Variants in NECTIN1 observed in about 807,000 individuals in gnomAD.
NECTIN1 encodes the protein nectin cell adhesion molecule 1.
NECTIN1 carries 23 observed loss-of-function variants against 48.0 expected under a neutral mutation model. The observed-to-expected ratio is 0.48, with a 90% CI of 0.34 to 0.68. The LOEUF is 0.68. NECTIN1 is among the 30% of genes least tolerant of loss of function. The pLI, the probability that NECTIN1 is intolerant of heterozygous loss-of-function variation, is 0.01. For missense variants in NECTIN1, 591 were observed against 709.9 expected, an observed-to-expected ratio of 0.83 and a Z score of 1.90; for synonymous variants, 270 against 288.9, an observed-to-expected ratio of 0.93 and a Z score of 0.66.
At chr11:119,710,122 T>C (rs182570472) in intron 1 of NECTIN1, 2 of 152,118 alleles carry the variant, frequency 1.3e-5, no homozygotes, top group East Asian at 1.9e-4. Context: ...AATGTCAGCT[T>C]GGGGAGGGGC....
At chr11:119,700,647 C>T (rs896826143) in intron 1 of NECTIN1, among the ~76,000 whole-genome samples, 5 of 152,226 alleles carry the variant, frequency 3.3e-5, no homozygotes, top group African/African-American at 4.8e-5. Context: ...TGTAGCTCAG[C>T]GGAAATGAAA....
At chr11:119,703,421 C>T (rs1364894777) in intron 1 of NECTIN1, among the ~76,000 whole-genome samples, 1 of 152,200 alleles carries the variant, frequency 6.6e-6, no homozygotes, top group Non-Finnish European at 1.5e-5. Context: ...TCAGAAGTCA[C>T]AATACCACGC....
In NECTIN1 at chr11:119,669,320, G is replaced by A. The variant is rs1478978418; in HGVS notation, c.1004-4023C>T. ...CCAGCTACTTGGGAGGCTGAGGCAG[G>A]AGAATTGCTTGAGCTGGGAGGTGGA... On this transcript the variant is annotated intron_variant, in intron 5 of 5. Coordinates refer to ENST00000264025, the MANE Select transcript of NECTIN1 (RefSeq NM_002855.5). Among the ~76,000 whole-genome samples, 8 of 151,714 alleles carry A rather than the reference G, an allele frequency of 5.3e-5. No homozygotes were observed. The East Asian group carries it at 1.6e-3, about 30-fold the overall frequency.
chr11:119,685,361 G>T (rs1360221464), intron 1 of NECTIN1, among the ~76,000 whole-genome samples: 3 of 152,242 alleles, frequency 2.0e-5, no homozygotes, highest in Admixed American at 2.0e-4. Flanking sequence ...TGAGCACAGT[G>T]CGTGGGAGAG....
At position 119,670,919 on chromosome 11, in the gene NECTIN1, G is replaced by A. The variant is rs550042014; in HGVS notation, c.1003+4240C>T. ...CTCCCAAAGTGCTGGGATTACAGGTGTGAGCCACCACGCCTAGCCAACTTT... is the reference window on the plus strand; with the variant it reads ...CTCCCAAAGTGCTGGGATTACAGGTATGAGCCACCACGCCTAGCCAACTTT... On this transcript the variant is annotated intron_variant, in intron 5 of 5. Transcript: ENST00000264025. Among the ~76,000 whole-genome samples the A allele has an allele frequency of 3.2e-4, 48 of 152,120 alleles. 1 individual carries two copies. In the South Asian group the frequency reaches 9.5e-3, roughly 30 times the overall value.
At chr11:119,641,864 AG>A in intron 5 of NECTIN1, 1 of 150,824 alleles carries the variant, frequency 6.6e-6, no homozygotes, top group Admixed American at 6.6e-5. Flanking sequence ...CTGGGACTAC[AG>A]GGACCCGCCA....
intron 4 of NECTIN1, chr11:119,675,540 G>T (rs1176078165): frequency 1.9e-6 from 1 of 518,896 alleles, no homozygotes; most frequent in African/African-American, 1.9e-5. Flanking sequence ...GGCTAGGTAG[G>T]TGCCGGTCCC....
intron 1 of NECTIN1, among the ~76,000 whole-genome samples, chr11:119,680,187 G>A (rs893761011): frequency 6.6e-6 from 1 of 151,962 alleles, no homozygotes; most frequent in African/African-American, 2.4e-5. Context: ...TCCTTTTTTT[G>A]GGCTTCCTTA....
intron 1 of NECTIN1, among the ~76,000 whole-genome samples, chr11:119,726,586 C>G (rs1406536156): frequency 6.6e-6 from 1 of 152,218 alleles, no homozygotes; most frequent in Non-Finnish European, 1.5e-5. Context: ...GTTCACCTCC[C>G]TGCTCCCACT....
intron 1 of NECTIN1, among the ~76,000 whole-genome samples, chr11:119,722,243 C>T (rs1865843266): frequency 6.6e-6 from 1 of 152,228 alleles, no homozygotes; most frequent in South Asian, 2.1e-4. Flanking sequence ...TCCTGAGAGG[C>T]TCAGCTGAAA....
At position 119,664,701 on chromosome 11, in the gene NECTIN1, AG is replaced by A; in HGVS notation, c.*45del. The A allele has an allele frequency of 9.8e-7, 1 of 1,021,414 alleles. No individual in the cohort carries two copies. Among genetic ancestry groups the A allele is most frequent in the Non-Finnish European group, 1.4e-6 (1 of 724,902 alleles). 63.3% of individuals were successfully genotyped at this position (1,021,414 alleles called of 1,614,324 possible). ...GGGGGTGGGCAGGGGGCGTGCGGGG[AG>A]GGGCTGGGGAGGAGCGGTCACAGAC... On this transcript the variant is annotated 3_prime_UTR_variant, in exon 6 of 6. Coordinates refer to ENST00000264025, the MANE Select transcript of NECTIN1 (RefSeq NM_002855.5).
chr11:119,719,114 C>T (rs992773403), intron 1 of NECTIN1, among the ~76,000 whole-genome samples: 3 of 152,144 alleles, frequency 2.0e-5, no homozygotes, highest in East Asian at 1.9e-4. Context: ...GGCGTCATGT[C>T]GGCCTCCAAA....
chr11:119,684,207 G>A lies in NECTIN1; in HGVS notation c.80-5442C>T, dbSNP rs1055176150. ...TGGGCTCAGGGGTAGGTGAAAGTGGGTACCTAGGTGAGGCGAGGGGGATTT... is the reference window on the plus strand; with the variant it reads ...TGGGCTCAGGGGTAGGTGAAAGTGGATACCTAGGTGAGGCGAGGGGGATTT... On this transcript the variant is annotated intron_variant, in intron 1 of 5. Coordinates refer to ENST00000264025, the MANE Select transcript of NECTIN1 (RefSeq NM_002855.5). The surrounding 1 kb of genome is among the most constrained non-coding windows in gnomAD (Gnocchi z 5.2). 1.3e-5 allele frequency among the ~76,000 whole-genome samples: 2 copies of A among 152,352 alleles called. No homozygotes were observed. Among genetic ancestry groups the A allele is most frequent in the African/African-American group, 2.4e-5 (1 of 41,584 alleles).
At chr11:119,716,617 C>A (rs1055343982) in intron 1 of NECTIN1, among the ~76,000 whole-genome samples, 1 of 152,176 alleles carries the variant, frequency 6.6e-6, no homozygotes, top group African/African-American at 2.4e-5. Flanking sequence ...TGTTTGTGAC[C>A]CTGTAGACAA....
In NECTIN1 at chr11:119,648,316, ATGGTGATGGTGG is replaced by A. The variant is rs1864435440; in HGVS notation, c.1004-8316_1004-8305del. On this transcript the variant is annotated intron_variant, in intron 5 of 7. Transcript: ENST00000341398. Reference sequence around the variant, plus strand: ...GGTGGTGGTGGTGGTGATGGTGGTGATGGTGATGGTGGTGATGGTGGTGGTGATGCTGGTGGT... The same window carrying A: ...GGTGGTGGTGGTGGTGATGGTGGTGATGATGGTGGTGGTGATGCTGGTGGT... 1.2e-3 allele frequency among the ~76,000 whole-genome samples: 11 copies of A among 8,968 alleles called. 1 individual carries two copies. The highest frequency in any genetic ancestry group is 8.3e-3 in the Admixed American group (4 of 482). 5.9% of individuals were successfully genotyped at this position (8,968 alleles called of 152,430 possible).
downstream of NECTIN1, among the ~76,000 whole-genome samples, chr11:119,658,017 C>A (rs571729107): frequency 4.0e-5 from 6 of 150,976 alleles, no homozygotes; most frequent in South Asian, 4.2e-4. Flanking sequence ...TTTTAAAAAT[C>A]CCCAGATGAT....
At chr11:119,705,604 G>A (rs1244027836) in intron 1 of NECTIN1, among the ~76,000 whole-genome samples, 1 of 152,230 alleles carries the variant, frequency 6.6e-6, no homozygotes, top group Non-Finnish European at 1.5e-5. Context: ...CTAGACGGAG[G>A]AGACTGATGC....
At position 119,661,080 on chromosome 11, in the gene NECTIN1, G is replaced by A; in HGVS notation, c.*3667C>T. On this transcript the variant is annotated 3_prime_UTR_variant, in exon 6 of 6. Coordinates refer to ENST00000264025, the MANE Select transcript of NECTIN1 (RefSeq NM_002855.5). ...TCATTTTTTTTTAATACAAGTAAAA[G>A]GGGGTGATGCAAACACCCCCCAGGT... is the stretch of plus-strand genomic sequence containing the variant. 2 of 981,468 alleles carry A rather than the reference G, an allele frequency of 2.0e-6. No homozygotes were observed. The highest frequency in any genetic ancestry group is 2.4e-6 in the Non-Finnish European group (2 of 826,080). The allele number at this position is 981,468 out of a possible 1,614,324, so 60.8% of individuals were successfully genotyped here. A position where few individuals can be genotyped will look rare whatever the true frequency, so the allele number is the denominator to read the frequency against.
Position 119,665,453 on chromosome 11 carries a change from C to A in NECTIN1, c.1004-156G>T, listed in dbSNP as rs1010017952. ...CAGTTCGAGGCCCCGCAGCACTCCA[C>A]CCATCCTGGAGCCCTAACATGCCGC... On this transcript the variant is annotated intron_variant, in intron 5 of 5. Transcript: ENST00000264025. The surrounding 1 kb of genome is among the most constrained non-coding windows in gnomAD (Gnocchi z 5.1). Among the ~76,000 whole-genome samples, 1 of 152,282 alleles carries A rather than the reference C, an allele frequency of 6.6e-6. No homozygotes were observed. The highest frequency in any genetic ancestry group is 1.9e-4 in the East Asian group (1 of 5,182).
Sources: allele counts gnomAD v4.1 joint callset (sites outside exome capture counted in the v4.1 genomes callset), GRCh38; gene constraint gnomAD v4.1.1; non-coding constraint Gnocchi (gnomAD v3.1); transcripts MANE v1.5; gene names NCBI Gene and HGNC (gene_info 2026-07-23, HGNC 2026-07-21).